Variants in ZNF682 observed in about 807,000 individuals in gnomAD.
ZNF682 encodes zinc finger protein 682.
Under a neutral mutation model 36.5 loss-of-function variants are expected in ZNF682, and 29 were observed. That is an observed-to-expected ratio of 0.80 (90% CI 0.59 to 1.08). The LOEUF (loss-of-function observed/expected upper bound fraction) is 1.08. Ranked by LOEUF, ZNF682 falls within the 50% of genes least tolerant of loss-of-function variation. The probability of loss-of-function intolerance (pLI) is 0.00; values close to 1 mark genes in which losing one functional copy is unlikely to be tolerated. For synonymous variants in ZNF682, 180 were observed against 197.0 expected, an observed-to-expected ratio of 0.91 and a Z score of 0.72; for missense variants, 561 against 579.7, an observed-to-expected ratio of 0.97 and a Z score of 0.33.
chr19:20,003,310 A>T (rs1346734441), downstream of ZNF682, among the ~76,000 whole-genome samples: 1 of 152,040 alleles, frequency 6.6e-6, no homozygotes, highest in Non-Finnish European at 1.5e-5. Flanking sequence ...TTTACTATGA[A>T]ATTACATGTT....
chr19:20,014,503 G>A lies in ZNF682; in HGVS notation c.227-7228C>T, dbSNP rs189844773. Among the ~76,000 whole-genome samples, 3 of 152,218 alleles carry A rather than the reference G, an allele frequency of 2.0e-5. No individual in the cohort carries two copies. In the East Asian group the frequency reaches 5.8e-4, roughly 29 times the overall value. The stretch of plus-strand genomic sequence containing the variant: ...AGCAGAAAATTGGGTCGGACGTGTA[G>A]GTTCATGCCTGTAATCCCAGGACTT... On this transcript the variant is annotated intron_variant, in intron 3 of 3. Transcript: ENST00000397165.
At chr19:20,039,003 C>T (rs2088559174) in intron 1 of ZNF682, among the ~76,000 whole-genome samples, 1 of 152,230 alleles carries the variant, frequency 6.6e-6, no homozygotes, top group South Asian at 2.1e-4. Flanking sequence ...CACAGCACTT[C>T]CCACGCACAA....
At chr19:20,021,600 C>G (rs545391122) in intron 3 of ZNF682, among the ~76,000 whole-genome samples, 1 of 152,178 alleles carries the variant, frequency 6.6e-6, no homozygotes, top group Admixed American at 6.5e-5. Context: ...AATCATTACA[C>G]TTTACATAAT....
intron 1 of ZNF682, among the ~76,000 whole-genome samples, chr19:20,038,691 G>GA (rs1307747881): frequency 6.6e-6 from 1 of 151,142 alleles, no homozygotes; most frequent in Non-Finnish European, 1.5e-5. Flanking sequence ...AGATTTTTCA[G>GA]ATTTAAGCAA....
chr19:20,024,307 G>A lies in ZNF682; in HGVS notation c.73C>T (p.Gln25Ter). ...ATCACTTTCCTATACAAACTCTGCT[G>A]AGCAGGGTTCAGAAACTCCCACTCC... ...LEEWEFLNPA[Q>*]QSLYRKVMLE... Residue 25 changes from glutamine (Q) to a stop codon, truncating the protein, a stop_gained, in exon 2 of 4, where the codon CAG becomes TAG. Coordinates refer to ENST00000397165, the MANE Select transcript of ZNF682 (RefSeq NM_033196.3). LOFTEE classifies it high-confidence loss of function. 6.2e-7 allele frequency: 1 copy of A among 1,613,862 alleles called. No individual in the cohort carries two copies. Among genetic ancestry groups the A allele is most frequent in the Non-Finnish European group, 8.5e-7 (1 of 1,179,790 alleles).
rs556393050 is a variant in ZNF682, at chr19:20,012,041, T to TA, written c.227-4767dup. Reference sequence around the variant, plus strand: ...GACAGAGTGAGACTCCATCTCAAAATAAAAAAAAAACAGTGACAAAATGTA... The same window carrying TA: ...GACAGAGTGAGACTCCATCTCAAAATAAAAAAAAAAACAGTGACAAAATGTA... On this transcript the variant is annotated intron_variant, in intron 3 of 3. Transcript: ENST00000397165. Among the ~76,000 whole-genome samples, 419 of 144,644 alleles carry TA rather than the reference T, an allele frequency of 2.9e-3. 2 individuals are homozygous for TA. Among genetic ancestry groups the TA allele is most frequent in the African/African-American group, 9.6e-3 (375 of 39,262 alleles). 94.9% of individuals were successfully genotyped at this position (144,644 alleles called of 152,430 possible).
At chr19:20,015,552 TAAAAG>T (rs1372879142) in intron 3 of ZNF682, 1 of 466,662 alleles carries the variant, frequency 2.1e-6, no homozygotes, top group Non-Finnish European at 2.8e-6. Flanking sequence ...AAAGCAAAAT[TAAAAG>T]AAACTATAAC....
downstream of ZNF682, among the ~76,000 whole-genome samples, chr19:20,003,001 T>C (rs2088179469): frequency 6.6e-6 from 1 of 151,552 alleles, no homozygotes; most frequent in Non-Finnish European, 1.5e-5. Context: ...CCATCCTGGC[T>C]AACACGGTGA....
At position 20,036,802 on chromosome 19, in the gene ZNF682, A is replaced by AT. The variant is rs1292108394; in HGVS notation, c.3+2540dup. On this transcript the variant is annotated intron_variant, in intron 1 of 3. Coordinates refer to ENST00000397165, the MANE Select transcript of ZNF682 (RefSeq NM_033196.3). Reference sequence around the variant, plus strand: ...GGGAACATGGTGAGATGCTGTCTCTATAAAAAAAAAAGAAAAAAAAAAAAA... The same window carrying AT: ...GGGAACATGGTGAGATGCTGTCTCTATTAAAAAAAAAAGAAAAAAAAAAAAA... Among the ~76,000 whole-genome samples the AT allele has an allele frequency of 1.4e-4, 7 of 48,366 alleles. No individual in the cohort carries two copies. The East Asian group carries it at 2.3e-3, about 16-fold the overall frequency. 31.7% of individuals were successfully genotyped at this position (48,366 alleles called of 152,430 possible).
chr19:20,030,385 T>C (rs1224029370), intron 1 of ZNF682, among the ~76,000 whole-genome samples: 2 of 152,100 alleles, frequency 1.3e-5, no homozygotes, highest in South Asian at 2.1e-4. Context: ...GCCTGGCCAA[T>C]ATGGTGAAAT....
downstream of ZNF682, among the ~76,000 whole-genome samples, chr19:20,000,749 T>C (rs768299902): frequency 1.3e-5 from 2 of 152,216 alleles, no homozygotes; most frequent in African/African-American, 2.4e-5. Context: ...AAAACTTCAA[T>C]AGAGGAGTCA....
In ZNF682 at chr19:20,020,398, G is replaced by A. The variant is rs142225229; in HGVS notation, c.226+2606C>T. Among the ~76,000 whole-genome samples, 165 of 152,302 alleles carry A rather than the reference G, an allele frequency of 1.1e-3. 2 individuals carry two copies. The highest frequency in any genetic ancestry group is 3.8e-3 in the African/African-American group (160 of 41,572). Reference sequence around the variant, plus strand: ...TGTAATCCAAGCTACTCAGGAAGCTGAGGCAGCAGAATCGTTTGAACCCGG... The same window carrying A: ...TGTAATCCAAGCTACTCAGGAAGCTAAGGCAGCAGAATCGTTTGAACCCGG... On this transcript the variant is annotated intron_variant, in intron 3 of 3. Coordinates refer to ENST00000397165, the MANE Select transcript of ZNF682 (RefSeq NM_033196.3).
intron 3 of ZNF682, among the ~76,000 whole-genome samples, chr19:20,012,801 C>CAA (rs142950979): frequency 1.2e-3 from 173 of 141,228 alleles, no homozygotes; most frequent in African/African-American, 4.3e-3. Context: ...TTTAAATCAA[C>CAA]AAGAAAAACA....
At chr19:20,019,229 A>G (rs1252746575) in intron 3 of ZNF682, among the ~76,000 whole-genome samples, 1 of 152,112 alleles carries the variant, frequency 6.6e-6, no homozygotes, top group African/African-American at 2.4e-5. Flanking sequence ...GCCATTAACA[A>G]CTGTAACCAC....
chr19:20,003,110 G>C (rs1043020450), downstream of ZNF682, among the ~76,000 whole-genome samples: 30 of 137,322 alleles, frequency 2.2e-4, no homozygotes, highest in African/African-American at 7.2e-4. Flanking sequence ...AGAATGGCGT[G>C]CACCCGGGAG....
chr19:20,027,836 C>T (rs1280706951), intron 1 of ZNF682, among the ~76,000 whole-genome samples: 7 of 151,800 alleles, frequency 4.6e-5, no homozygotes, highest in Non-Finnish European at 1.0e-4. Context: ...ATCACTTGAG[C>T]CCAGGAGACA....
intron 1 of ZNF682, among the ~76,000 whole-genome samples, chr19:20,025,734 G>A (rs995329493): frequency 4.0e-5 from 6 of 151,692 alleles, no homozygotes; most frequent in African/African-American, 1.5e-4. Context: ...ACAAATTGAT[G>A]TACAGTGTCA....
intron 1 of ZNF682, among the ~76,000 whole-genome samples, chr19:20,033,272 C>CAA (rs149091342): frequency 1.3e-4 from 20 of 151,456 alleles, no homozygotes; most frequent in African/African-American, 4.6e-4. Flanking sequence ...GACTCCGTCT[C>CAA]AAAAAAACAA....
At chr19:20,011,360 C>A (rs1247397981) in intron 3 of ZNF682, among the ~76,000 whole-genome samples, 1 of 152,120 alleles carries the variant, frequency 6.6e-6, no homozygotes, top group East Asian at 1.9e-4. Context: ...ACTTAGCCAG[C>A]CACACAATAA....
Sources: gnomAD v4.1 joint callset for allele counts (sites outside exome capture counted in the v4.1 genomes callset) on GRCh38, gnomAD v4.1.1 for gene constraint, MANE v1.5 for transcripts, NCBI Gene and HGNC (gene_info 2026-07-23, HGNC 2026-07-21) for gene names.